FBXL7: variants seen among roughly 807,000 people sequenced by gnomAD.
The protein encoded by FBXL7 is F-box/LRR-repeat protein 7.
FBXL7 carries 12 observed loss-of-function variants against 38.3 expected under a neutral mutation model. The observed-to-expected ratio is 0.31, with a 90% confidence interval of 0.20 to 0.51. The LOEUF (loss-of-function observed/expected upper bound fraction) is 0.51. Ranked by LOEUF, FBXL7 falls within the 20% of genes least tolerant of loss-of-function variation. The pLI is 0.98. For missense variants in FBXL7, 567 were observed against 676.4 expected (o/e 0.84, Z 1.79); for synonymous variants, 297 against 300.9 (o/e 0.99, Z 0.13).
chr5:15,877,625 A>G (rs143828262), intron 2 of FBXL7, among the ~76,000 whole-genome samples: 227 of 152,286 alleles, frequency 1.5e-3, no homozygotes, highest in African/African-American at 5.0e-3. Context: ...AGGTAGCAAA[A>G]GACAGATTCT....
At chr5:15,741,540 ATTCTTCCTTGCTTATTGTTT>A (rs915058076) in intron 2 of FBXL7, among the ~76,000 whole-genome samples, 1 of 152,326 alleles carries the variant, frequency 6.6e-6, no homozygotes, top group Non-Finnish European at 1.5e-5. Flanking sequence ...AGATTGAAAG[ATTCTTCCTTGCTTATTGTTT>A]TTCTTCTTTT....
intron 2 of FBXL7, among the ~76,000 whole-genome samples, chr5:15,777,936 A>G (rs1736899935): frequency 2.6e-5 from 4 of 151,980 alleles, no homozygotes; most frequent in Admixed American, 2.6e-4. Flanking sequence ...TCAGCTAAAC[A>G]TAATAAACCT....
intron 2 of FBXL7, among the ~76,000 whole-genome samples, chr5:15,677,365 G>T (rs908652336): frequency 6.6e-6 from 1 of 152,104 alleles, no homozygotes; most frequent in African/African-American, 2.4e-5. Flanking sequence ...TACTCAGGAG[G>T]CTGAGGCAGG....
At chr5:15,815,253 G>A (rs1165896831) in intron 2 of FBXL7, among the ~76,000 whole-genome samples, 1 of 152,054 alleles carries the variant, frequency 6.6e-6, no homozygotes, top group African/African-American at 2.4e-5. Flanking sequence ...ATGAAGGAAG[G>A]GATCCAATGA....
chr5:15,791,065 TG>T (rs1737261680), intron 2 of FBXL7, among the ~76,000 whole-genome samples: 3 of 69,036 alleles, frequency 4.3e-5, no homozygotes, highest in African/African-American at 1.5e-4. Context: ...CAGTGAGTTG[TG>T]TAAAAGGGGG....
At chr5:15,596,044 A>G (rs1739617108) in intron 1 of FBXL7, among the ~76,000 whole-genome samples, 1 of 152,232 alleles carries the variant, frequency 6.6e-6, no homozygotes, top group African/African-American at 2.4e-5. Flanking sequence ...ATCCTCTTGC[A>G]TGACAGAAGG....
intron 2 of FBXL7, among the ~76,000 whole-genome samples, chr5:15,633,753 ATTATTATT>A (rs1741075443): frequency 1.4e-5 from 2 of 145,468 alleles, no homozygotes; most frequent in African/African-American, 5.0e-5. Flanking sequence ...TATTATTATT[ATTATTATT>A]ATTATTATTA....
chr5:15,592,006 G>A (rs142713570), intron 1 of FBXL7, among the ~76,000 whole-genome samples: 2 of 152,076 alleles, frequency 1.3e-5, no homozygotes, highest in African/African-American at 4.8e-5. Flanking sequence ...CACCGTGCCC[G>A]AGGTTGGCCA....
intron 1 of FBXL7, among the ~76,000 whole-genome samples, chr5:15,520,406 G>T (rs979556808): frequency 2.0e-5 from 3 of 152,166 alleles, no homozygotes; most frequent in Non-Finnish European, 4.4e-5. Context: ...TCTAAAGTTG[G>T]CGGGGGAGAA....
chr5:15,736,171 C>A (rs1363939317), intron 2 of FBXL7, among the ~76,000 whole-genome samples: 1 of 151,986 alleles, frequency 6.6e-6, no homozygotes, highest in African/African-American at 2.4e-5. Context: ...ATTTCAGAAC[C>A]CTTTTTCTTG....
At chr5:15,747,676 G>A (rs562844949) in intron 2 of FBXL7, among the ~76,000 whole-genome samples, 1 of 152,224 alleles carries the variant, frequency 6.6e-6, no homozygotes, top group Non-Finnish European at 1.5e-5. Flanking sequence ...ACAATGGTTA[G>A]TTGGTTCAAA....
chr5:15,791,063 T>G (rs1737261477), intron 2 of FBXL7, among the ~76,000 whole-genome samples: 1 of 89,392 alleles, frequency 1.1e-5, no homozygotes, highest in Non-Finnish European at 2.6e-5. Flanking sequence ...GTCAGTGAGT[T>G]GTGTAAAAGG....
chr5:15,925,206 A>G (rs146351270), intron 2 of FBXL7, among the ~76,000 whole-genome samples: 367 of 152,352 alleles, frequency 2.4e-3, no homozygotes, highest in Non-Finnish European at 4.6e-3. Flanking sequence ...AAATAATACA[A>G]TCAACCACAT....
At chr5:15,806,961 T>G (rs1737728379) in intron 2 of FBXL7, among the ~76,000 whole-genome samples, 1 of 152,104 alleles carries the variant, frequency 6.6e-6, no homozygotes, top group Non-Finnish European at 1.5e-5. Context: ...TTCTTTTCCT[T>G]TTTTTTGAGA....
rs1447663882 is a variant in FBXL7 at position 15,559,606 on chromosome 5, G to C, written c.38-56377G>C. ...TGGACTGGTTTTCCACATGTTCGAT[G>C]AACAAGGGACAAAAAAAGTTATTTT... On this transcript the variant is annotated intron_variant, in intron 1 of 3. Coordinates refer to ENST00000504595, the MANE Select transcript of FBXL7 (RefSeq NM_012304.5). Among the ~76,000 whole-genome samples the C allele has an allele frequency of 2.6e-5, 4 of 152,240 alleles. No homozygotes were observed. In the East Asian group the frequency reaches 5.8e-4, roughly 22 times the overall value.
chr5:15,751,799 T>C (rs1244673787), intron 2 of FBXL7, among the ~76,000 whole-genome samples: 1 of 152,206 alleles, frequency 6.6e-6, no homozygotes, highest in African/African-American at 2.4e-5. Context: ...ATTACTTTTG[T>C]AGCAGATTAA....
intron 2 of FBXL7, among the ~76,000 whole-genome samples, chr5:15,835,051 T>C (rs1440860954): frequency 1.3e-5 from 2 of 152,216 alleles, no homozygotes; most frequent in African/African-American, 4.8e-5. Context: ...ATGGTTACTT[T>C]TGCTTAGTAA....
At chr5:15,663,658 C>T (rs1248584493) in intron 2 of FBXL7, among the ~76,000 whole-genome samples, 1 of 152,168 alleles carries the variant, frequency 6.6e-6, no homozygotes, top group Non-Finnish European at 1.5e-5. Context: ...AACCTGGCCT[C>T]CTGGGATGAA....
At chr5:15,793,778 G>C (rs963007418) in intron 2 of FBXL7, among the ~76,000 whole-genome samples, 2 of 152,142 alleles carry the variant, frequency 1.3e-5, no homozygotes, top group African/African-American at 4.8e-5. Flanking sequence ...ACAGACACTG[G>C]GTATAGAACA....
Sources: allele counts gnomAD v4.1 joint callset (sites outside exome capture counted in the v4.1 genomes callset), GRCh38; gene constraint gnomAD v4.1.1; transcripts MANE v1.5; gene names NCBI Gene and HGNC (gene_info 2026-07-23, HGNC 2026-07-21).